The following USP7 variants were observed in gnomAD, a reference collection of about 807,000 sequenced individuals.
USP7 encodes ubiquitin C-terminal hydrolase 7.
Under a neutral mutation model 162.9 loss-of-function variants are expected in USP7, and 9 were observed. That is an observed-to-expected ratio of 0.06 (90% CI 0.03 to 0.10). The LOEUF (loss-of-function observed/expected upper bound fraction) is 0.10, where lower values mean the gene tolerates loss of function less well. USP7 is among the 10% of genes least tolerant of loss of function. The pLI, the probability that USP7 is intolerant of heterozygous loss-of-function variation, is 1.00. For synonymous variants in USP7, 562 were observed against 475.9 expected (o/e 1.18, Z -2.35); for missense variants, 715 against 1,373.7 (o/e 0.52, Z 7.58).
In USP7 at chr16:8,895,621, AACAGTATCGGGG is replaced by A; in HGVS notation, c.2919+9_2919+20del. On this transcript the variant is annotated intron_variant, in intron 27 of 30. Transcript: ENST00000344836. The stretch of plus-strand genomic sequence containing the variant: ...GGGCTCATGAATTCTCTCTGGTGCC[AACAGTATCGGGG>A]ACAGATACCTCTATTCGAAACGTCC... The A allele has an allele frequency of 6.3e-7, 1 of 1,590,380 alleles. No homozygotes were observed. Among genetic ancestry groups the A allele is most frequent in the Non-Finnish European group, 8.6e-7 (1 of 1,161,092 alleles).
rs1449830124 is a variant in USP7 at position 8,899,678 on chromosome 16, T to C, written c.2389A>G (p.Ile797Val). ...TTAGGGATTGTTTTATCACAGAAAA[T>C]GACATCAACGCGGTGGTAGAGATCT... ...FRDLYHRVDV[I>V]FCDKTIPNDP... is the part of the protein sequence containing the mutation. Residue 797 changes from isoleucine (I) to valine (V), a missense_variant, in exon 22 of 31, where the codon ATT becomes GTT. Ile to Val is a conservative substitution (Grantham distance 29). Coordinates refer to ENST00000344836, the MANE Select transcript of USP7 (RefSeq NM_003470.3). The C allele has an allele frequency of 3.1e-6, 5 of 1,614,206 alleles. No homozygotes were observed. The highest frequency in any genetic ancestry group is 2.2e-5 in the East Asian group (1 of 44,884).
chr16:8,915,983 T>C (rs946781323), intron 8 of USP7, among the ~76,000 whole-genome samples: 34 of 152,328 alleles, frequency 2.2e-4, no homozygotes, highest in African/African-American at 7.5e-4. Context: ...CCAATCACCT[T>C]GAACAGCCAT....
chr16:8,924,891 G>T (rs891415868), intron 2 of USP7, among the ~76,000 whole-genome samples: 1 of 152,194 alleles, frequency 6.6e-6, no homozygotes, highest in Non-Finnish European at 1.5e-5. Context: ...CAGGAACTTT[G>T]GAAGGAAGAG....
At chr16:8,897,746 T>TATAA (rs71155416) in intron 25 of USP7, among the ~76,000 whole-genome samples, 23 of 103,034 alleles carry the variant, frequency 2.2e-4, no homozygotes, top group African/African-American at 9.2e-4. Context: ...TATATATATA[T>TATAA]AAATGAGTTG....
At chr16:8,948,967 G>GA (rs112677679) in intron 1 of USP7, among the ~76,000 whole-genome samples, 22 of 147,300 alleles carry the variant, frequency 1.5e-4, no homozygotes, top group South Asian at 2.1e-4. Context: ...TCCCAAAGGG[G>GA]AAAAAAAAAA....
At chr16:8,919,288 C>A (rs190107689) in intron 5 of USP7, 149 bp from the exon 6 acceptor site, 4 of 732,184 alleles carry the variant, frequency 5.5e-6, no homozygotes, top group Admixed American at 4.6e-5. Flanking sequence ...CACCGATTCC[C>A]TTCTGCTTGC....
At chr16:8,923,508 A>G in intron 2 of USP7, 95 bp from the exon 3 acceptor site, 1 of 1,318,922 alleles carries the variant, frequency 7.6e-7, no homozygotes, top group Non-Finnish European at 1.0e-6. Context: ...ATACATCCTG[A>G]TTTAACTGCT....
At chr16:8,905,904 TGTCGG>T (rs2061852185) in intron 13 of USP7, among the ~76,000 whole-genome samples, 1 of 152,230 alleles carries the variant, frequency 6.6e-6, no homozygotes, top group Non-Finnish European at 1.5e-5. Flanking sequence ...TCTCTCGTGC[TGTCGG>T]GTCCCTCCAC....
chr16:8,916,711 T>C (rs566871631), intron 7 of USP7, among the ~76,000 whole-genome samples, 155 bp from the exon 8 acceptor site: 6 of 152,362 alleles, frequency 3.9e-5, no homozygotes, highest in Non-Finnish European at 5.9e-5. Flanking sequence ...AATTCAAAGA[T>C]AGATTTACTG....
chr16:8,961,190 A>G (rs116253007), intron 1 of USP7, among the ~76,000 whole-genome samples: 5 of 152,118 alleles, frequency 3.3e-5, no homozygotes, highest in Non-Finnish European at 7.4e-5. Context: ...AACACCCTCT[A>G]GTCTTTTAAA....
At chr16:8,931,203 T>C (rs1898312233) in intron 1 of USP7, among the ~76,000 whole-genome samples, 1 of 152,022 alleles carries the variant, frequency 6.6e-6, no homozygotes, top group African/African-American at 2.4e-5. Context: ...TTTTTTTTTT[T>C]TCTGAGACAG....
At chr16:8,930,647 A>AT (rs1472472717) in intron 1 of USP7, among the ~76,000 whole-genome samples, 1 of 152,204 alleles carries the variant, frequency 6.6e-6, no homozygotes, top group Non-Finnish European at 1.5e-5. Flanking sequence ...ATTTGCAATG[A>AT]TATTCTGCAC....
intron 1 of USP7, among the ~76,000 whole-genome samples, chr16:8,948,594 C>T (rs1227754769): frequency 6.6e-6 from 1 of 152,132 alleles, no homozygotes; most frequent in Non-Finnish European, 1.5e-5. Flanking sequence ...ATCCTAAGAA[C>T]CTGCACATCT....
At chr16:8,934,792 G>A (rs1237534216) in intron 1 of USP7, among the ~76,000 whole-genome samples, 1 of 152,242 alleles carries the variant, frequency 6.6e-6, no homozygotes, top group South Asian at 2.1e-4. Context: ...GAGTACATAA[G>A]GGGTGGGTCC....
intron 1 of USP7, among the ~76,000 whole-genome samples, chr16:8,961,406 C>T (rs1374880043): frequency 1.3e-5 from 2 of 149,016 alleles, no homozygotes; most frequent in Admixed American, 6.9e-5. Context: ...GCAGGAAAAT[C>T]GCTTGAACCC....
At chr16:8,958,685 T>C (rs1286675637) in intron 1 of USP7, among the ~76,000 whole-genome samples, 1 of 152,158 alleles carries the variant, frequency 6.6e-6, no homozygotes, top group Non-Finnish European at 1.5e-5. Flanking sequence ...CTATCTAGTG[T>C]TCCACTTCCC....
In USP7 at chr16:8,892,740, A is replaced by C. The variant is rs958136130; in HGVS notation, c.*1258T>G. On this transcript the variant is annotated 3_prime_UTR_variant, in exon 31 of 31. Transcript: ENST00000344836. ...CAGGCCTGTTTCCAGGGAGAGTAGAAATCTTCCTCCACTTCCACGTAACTC... is the reference window on the plus strand; with the variant it reads ...CAGGCCTGTTTCCAGGGAGAGTAGACATCTTCCTCCACTTCCACGTAACTC... The C allele has an allele frequency of 8.5e-5, 13 of 152,150 alleles. No homozygotes were observed. Among genetic ancestry groups the C allele is most frequent in the Non-Finnish European group, 1.6e-4 (11 of 68,040 alleles). The allele number at this position is 152,150 out of a possible 1,614,324, so 9.4% of individuals were successfully genotyped here. A position where few individuals can be genotyped will look rare whatever the true frequency, so the allele number is the denominator to read the frequency against.
intron 2 of USP7, among the ~76,000 whole-genome samples, chr16:8,928,799 T>C (rs1898158999): frequency 6.6e-6 from 1 of 152,202 alleles, no homozygotes; most frequent in African/African-American, 2.4e-5. Flanking sequence ...CACCACTGTC[T>C]ACTAATTTAG....
chr16:8,946,389 T>C (rs992420835), intron 1 of USP7, among the ~76,000 whole-genome samples: 8 of 152,116 alleles, frequency 5.3e-5, no homozygotes, highest in African/African-American at 1.9e-4. Context: ...AAGACCAGCC[T>C]GGCCAATATG....
Sources: allele counts gnomAD v4.1 joint callset (sites outside exome capture counted in the v4.1 genomes callset), GRCh38; gene constraint gnomAD v4.1.1; transcripts MANE v1.5; gene names NCBI Gene and HGNC (gene_info 2026-07-23, HGNC 2026-07-21).